Variants in PCDH15 observed in about 807,000 individuals in gnomAD.
PCDH15 encodes protocadherin-15.
Under a neutral mutation model 178.5 loss-of-function variants are expected in PCDH15, and 129 were observed. The observed-to-expected ratio is 0.72, with a 90% CI of 0.63 to 0.84. The LOEUF (loss-of-function observed/expected upper bound fraction) is 0.84. Among genes scored for constraint, PCDH15 ranks in the 40% least tolerant of loss-of-function variants. The pLI is 0.00. For synonymous variants in PCDH15, 800 were observed against 732.0 expected, an observed-to-expected ratio of 1.09 and a Z score of -1.50; for missense variants, 2,230 against 2,099.9, an observed-to-expected ratio of 1.06 and a Z score of -1.21.
intron 37 of PCDH15, among the ~76,000 whole-genome samples, chr10:53,807,414 A>G (rs1258291790): frequency 6.6e-6 from 1 of 152,044 alleles, no homozygotes; most frequent in East Asian, 1.9e-4. Flanking sequence ...ACTGATCCAC[A>G]TGGAAAAAAA....
At chr10:55,319,859 C>T (rs1401636023), upstream of PCDH15, among the ~76,000 whole-genome samples, 4 of 152,078 alleles carry the variant, frequency 2.6e-5, no homozygotes, top group South Asian at 4.1e-4. Context: ...TGGAGCATAG[C>T]CAGTGACACC....
intron 2 of PCDH15, among the ~76,000 whole-genome samples, chr10:55,524,895 A>C (rs1375953731): frequency 2.0e-5 from 3 of 151,810 alleles, no homozygotes; most frequent in Non-Finnish European, 4.4e-5. Flanking sequence ...ACATTTTCTA[A>C]TACAACTTTA....
chr10:55,191,013 G>A (rs1004977301), intron 1 of PCDH15, among the ~76,000 whole-genome samples: 4 of 151,406 alleles, frequency 2.6e-5, no homozygotes, highest in African/African-American at 9.7e-5. Context: ...CCTTCTCCAG[G>A]AAAAAATATT....
chr10:53,891,006 T>G (rs1415180413), intron 26 of PCDH15, among the ~76,000 whole-genome samples: 2 of 152,204 alleles, frequency 1.3e-5, no homozygotes, highest in Non-Finnish European at 2.9e-5. Flanking sequence ...TTACCGTTCT[T>G]ATTGGAAATA....
At chr10:54,638,147 C>G (rs2093905625) in intron 2 of PCDH15, among the ~76,000 whole-genome samples, 1 of 151,950 alleles carries the variant, frequency 6.6e-6, no homozygotes, top group Non-Finnish European at 1.5e-5. Flanking sequence ...CTGCTTGAAC[C>G]CTGATGACTG....
At chr10:55,053,314 A>T (rs1411685099) in intron 2 of PCDH15, among the ~76,000 whole-genome samples, 1 of 152,160 alleles carries the variant, frequency 6.6e-6, no homozygotes, top group African/African-American at 2.4e-5. Context: ...ACAGCATTTC[A>T]TTTCCAATTC....
chr10:54,185,086 T>TA, intron 12 of PCDH15, 48 bp downstream of exon 12: 1 of 1,597,644 alleles, frequency 6.3e-7, no homozygotes, highest in South Asian at 1.1e-5. Context: ...CAAACATACA[T>TA]ACATACATTC....
intron 23 of PCDH15, among the ~76,000 whole-genome samples, chr10:53,957,541 G>A (rs1443696754): frequency 7.1e-6 from 1 of 140,190 alleles, no homozygotes; most frequent in Non-Finnish European, 1.5e-5. Flanking sequence ...CAGTTACTAA[G>A]TGACTGATGG....
chr10:55,397,977 G>A (rs1476585087), intron 2 of PCDH15, among the ~76,000 whole-genome samples: 2 of 152,056 alleles, frequency 1.3e-5, no homozygotes, highest in East Asian at 3.9e-4. Context: ...AAGGATTTAT[G>A]GGAAGGACTA....
intron 2 of PCDH15, among the ~76,000 whole-genome samples, chr10:55,155,034 CT>C (rs761011018): frequency 2.6e-5 from 4 of 152,072 alleles, no homozygotes; most frequent in Admixed American, 6.6e-5. Flanking sequence ...GACAAGACTG[CT>C]TCTGGCAGTA....
rs368874513 is a variant in PCDH15, at chr10:54,068,890, CACAA to C, written c.2092-2009_2092-2006del. On this transcript the variant is annotated intron_variant, in intron 17 of 37. Transcript: ENST00000644397. The stretch of plus-strand genomic sequence containing the variant: ...TTATTTACTTTAAAAGATGCACACA[CACAA>C]ACATACACATGTGTGTCGATATATG... Among the ~76,000 whole-genome samples, 380 of 152,258 alleles carry C rather than the reference CACAA, an allele frequency of 2.5e-3. 1 individual carries two copies. Among genetic ancestry groups the C allele is most frequent in the Admixed American group, 6.9e-3 (106 of 15,288 alleles).
intron 3 of PCDH15, among the ~76,000 whole-genome samples, chr10:54,527,505 A>T (rs555553862): frequency 6.6e-6 from 1 of 152,244 alleles, no homozygotes; most frequent in East Asian, 1.9e-4. Flanking sequence ...CTGTTAGATG[A>T]CTATACACAT....
intron 1 of PCDH15, among the ~76,000 whole-genome samples, chr10:54,729,567 C>A (rs11527287): frequency 0.12 from 18,492 of 151,514 alleles, 1,257 homozygotes; most frequent in African/African-American, 0.17. Flanking sequence ...CCTAATTATA[C>A]CAAATGGCTT....
intron 37 of PCDH15, chr10:53,808,771 G>A (rs955886333): frequency 1.2e-6 from 2 of 1,612,328 alleles, no homozygotes; most frequent in South Asian, 2.2e-5. Flanking sequence ...GTCATACGCT[G>A]GTACCTGATA....
chr10:54,552,351 A>G (rs537784222), intron 2 of PCDH15, among the ~76,000 whole-genome samples: 3 of 152,218 alleles, frequency 2.0e-5, no homozygotes, highest in Non-Finnish European at 4.4e-5. Flanking sequence ...CTTGAAGCCT[A>G]TATCCTACTG....
At chr10:54,951,801 G>A (rs1358967719) in intron 2 of PCDH15, among the ~76,000 whole-genome samples, 3 of 151,772 alleles carry the variant, frequency 2.0e-5, no homozygotes, top group African/African-American at 7.3e-5. Context: ...TTCCCAAATG[G>A]CATATAATTT....
rs776995495 is a variant in PCDH15 at position 54,020,331 on chromosome 10, G to A, written c.2612C>T (p.Thr871Ile). The change falls in exon 20 of 38, where the codon ACA becomes ATA. Residue 871 changes from threonine (T) to isoleucine (I), a missense_variant. Physicochemically the swap from Thr to Ile is moderately conservative, Grantham distance 89. Coordinates refer to ENST00000644397, the MANE Select transcript of PCDH15 (RefSeq NM_001384140.1). The stretch of plus-strand genomic sequence containing the variant: ...ACTCCTTAAAAGCGATAGTTCTCCT[G>A]TAAATGGATGTAGTGCAAAAAAGTG... The part of the protein sequence containing the change: ...VKHFFALHPF[T>I]GELSLLRSLD... 1.9e-6 allele frequency: 3 copies of A among 1,613,730 alleles called. No individual in the cohort carries two copies. The African/African-American group carries it at 4.0e-5, about 22-fold the overall frequency.
At chr10:55,420,734 A>G (rs1014245547) in intron 2 of PCDH15, among the ~76,000 whole-genome samples, 1 of 151,686 alleles carries the variant, frequency 6.6e-6, no homozygotes, top group Non-Finnish European at 1.5e-5. Context: ...AAATGTAACA[A>G]TGGCTTAAGA....
chr10:55,107,360 A>C (rs902712408), intron 2 of PCDH15, among the ~76,000 whole-genome samples: 3 of 152,202 alleles, frequency 2.0e-5, no homozygotes, highest in Non-Finnish European at 4.4e-5. Context: ...CAGGCTTATC[A>C]AGACACTTTT....
Sources: allele counts gnomAD v4.1 joint callset (sites outside exome capture counted in the v4.1 genomes callset), GRCh38; gene constraint gnomAD v4.1.1; transcripts MANE v1.5; gene names NCBI Gene and HGNC (gene_info 2026-07-23, HGNC 2026-07-21).